The following GPR37 variants were observed in gnomAD, a reference collection of about 807,000 sequenced individuals.
GPR37 encodes prosaposin receptor GPR37.
Under a neutral mutation model 43.6 loss-of-function variants are expected in GPR37, and 20 were observed. That is an observed-to-expected ratio of 0.46 (90% confidence interval 0.32 to 0.67). The LOEUF is 0.67. Among genes scored for constraint, GPR37 ranks in the 30% least tolerant of loss-of-function variants. GPR37 has a pLI of 0.03. For synonymous variants in GPR37, 315 were observed against 322.6 expected (o/e 0.98, Z 0.25); for missense variants, 724 against 797.2 (o/e 0.91, Z 1.11).
Position 124,748,333 on chromosome 7 carries a change from T to A in GPR37, c.1024-990A>T, listed in dbSNP as rs368937459. Among the ~76,000 whole-genome samples the A allele has an allele frequency of 8.7e-4, 132 of 152,126 alleles. 2 individuals are homozygous for A. In the South Asian group the frequency reaches 0.026, roughly 30 times the overall value. ...ACTTACATGGTGTTAGGATCAGAAT[T>A]TCCAGGATCTACGTGGCTCAGAAAA... is the stretch of plus-strand genomic sequence containing the variant. On this transcript the variant is annotated intron_variant, in intron 1 of 1. Transcript: ENST00000303921.
At chr7:124,752,735 C>A (rs1245598698) in intron 1 of GPR37, among the ~76,000 whole-genome samples, 1 of 152,130 alleles carries the variant, frequency 6.6e-6, no homozygotes, top group Non-Finnish European at 1.5e-5. Context: ...CAATTCTTTG[C>A]AAATATCATC....
Position 124,764,446 on chromosome 7 carries a change from G to A in GPR37, c.531C>T (p.Ser177=). 1 of 1,613,710 alleles carries A rather than the reference G, an allele frequency of 6.2e-7. No homozygotes were observed. The highest frequency in any genetic ancestry group is 2.2e-5 in the East Asian group (1 of 44,858). ...CTCTCCTTGGCCAGTAAAAAAGATCGCTGGCTCCGGGGACTGTCTTCACAC... is the reference window on the plus strand; with the variant it reads ...CTCTCCTTGGCCAGTAAAAAAGATCACTGGCTCCGGGGACTGTCTTCACAC... ...EQSVKTVPGA[S]DLFYWPRRAG... is the part of the protein sequence containing the mutation. Residue 177 remains serine (S), a synonymous_variant, in exon 1 of 2, where the codon AGC becomes AGT. Coordinates refer to ENST00000303921, the MANE Select transcript of GPR37 (RefSeq NM_005302.5). This position sits in a 1 kb window ranked among gnomAD's most constrained non-coding sequence, Gnocchi z 5.4.
chr7:124,750,884 T>C (rs886648062), intron 1 of GPR37, among the ~76,000 whole-genome samples: 1 of 152,174 alleles, frequency 6.6e-6, no homozygotes, highest in African/African-American at 2.4e-5. Flanking sequence ...AAGATTTACA[T>C]GTATTCCAAC....
At chr7:124,753,528 T>C (rs777130088) in intron 1 of GPR37, among the ~76,000 whole-genome samples, 18 of 152,052 alleles carry the variant, frequency 1.2e-4, no homozygotes, top group Middle Eastern at 3.4e-3. Context: ...TGATACACTA[T>C]GAAAGTCTAC....
At chr7:124,755,654 C>G (rs1173128271) in intron 1 of GPR37, among the ~76,000 whole-genome samples, 1 of 152,072 alleles carries the variant, frequency 6.6e-6, no homozygotes, top group African/African-American at 2.4e-5. Flanking sequence ...GTAAATGAAG[C>G]AAGATTAGCA....
chr7:124,763,963 G>C lies in GPR37; in HGVS notation c.1014C>G (p.Pro338=), dbSNP rs540473140. The C allele has an allele frequency of 6.2e-7, 1 of 1,613,804 alleles. No homozygotes were observed. Among genetic ancestry groups the C allele is most frequent in the African/African-American group, 1.3e-5 (1 of 75,034 alleles). The change falls in exon 1 of 2, where the codon CCC becomes CCG. Residue 338 remains proline (P), a synonymous_variant. Transcript: ENST00000303921. ...CCCTGGAAGGCATTACCTCTATATAGGGCACGATCTTGCAGGAGAAGTCCT... is the reference window on the plus strand; with the variant it reads ...CCCTGGAAGGCATTACCTCTATATACGGCACGATCTTGCAGGAGAAGTCCT... ...LLEDFSCKIV[P]YIEVASLGVT... is the part of the protein sequence containing the mutation.
intron 1 of GPR37, among the ~76,000 whole-genome samples, chr7:124,749,099 G>C (rs1793705132): frequency 6.6e-6 from 1 of 151,920 alleles, no homozygotes; most frequent in African/African-American, 2.4e-5. Flanking sequence ...TGGGGACGAT[G>C]GTTCTCAAAG....
chr7:124,748,595 C>T (rs1236576653), intron 1 of GPR37, among the ~76,000 whole-genome samples: 3 of 152,102 alleles, frequency 2.0e-5, no homozygotes, highest in Admixed American at 6.5e-5. Context: ...TAGGTATGTA[C>T]ATCAAATTTA....
Position 124,764,454 on chromosome 7 carries a change from C to T in GPR37, c.523G>A (p.Gly175Arg), listed in dbSNP as rs1232729574. ...SQEQSVKTVP[G>R]ASDLFYWPRR... ...GGCCAGTAAAAAAGATCGCTGGCTC[C>T]GGGGACTGTCTTCACACTCTGCTCC... Residue 175 changes from glycine (G) to arginine (R), a missense_variant, in exon 1 of 2, where the codon GGA becomes AGA. Physicochemically the swap from Gly to Arg is moderately radical, Grantham distance 125. Transcript: ENST00000303921. The surrounding 1 kb of genome is among the most constrained non-coding windows in gnomAD (Gnocchi z 5.4). The T allele has an allele frequency of 1.2e-6, 2 of 1,613,708 alleles. No homozygotes were observed. The highest frequency in any genetic ancestry group is 2.2e-5 in the South Asian group (2 of 91,076).
At chr7:124,757,796 T>A (rs1437565052) in intron 1 of GPR37, among the ~76,000 whole-genome samples, 6 of 152,142 alleles carry the variant, frequency 3.9e-5, no homozygotes, top group Non-Finnish European at 2.9e-5. Flanking sequence ...CTTTGGAAAC[T>A]TTTCCCCCTC....
chr7:124,764,485 A>G lies in GPR37; in HGVS notation c.492T>C (p.Arg164=), dbSNP rs2116330587. The change falls in exon 1 of 2, where the codon CGT becomes CGC. Residue 164 remains arginine (R), a synonymous_variant. Coordinates refer to ENST00000303921, the MANE Select transcript of GPR37 (RefSeq NM_005302.5). This position sits in a 1 kb window ranked among gnomAD's most constrained non-coding sequence, Gnocchi z 5.4. ...CTGTCTTCACACTCTGCTCCTGGCT[A>G]CGCCCGGAAATGCCAGCGCCTCTGG... ...KGPRGAGISG[R]SQEQSVKTVP... is the part of the protein sequence containing the mutation. 1.2e-6 allele frequency: 2 copies of G among 1,613,554 alleles called. No homozygotes were observed. The highest frequency in any genetic ancestry group is 2.7e-5 in the African/African-American group (2 of 75,038).
In GPR37 at chr7:124,764,847, A is replaced by G. The variant is rs1203238141; in HGVS notation, c.130T>C (p.Cys44Arg). ...CGGCGCTGGATCACTGTAGGTGCACAGCTCTCCCCCAGACAAGTTTCGTTT... is the reference window on the plus strand; with the variant it reads ...CGGCGCTGGATCACTGTAGGTGCACGGCTCTCCCCCAGACAAGTTTCGTTT... ...SRNETCLGES[C>R]APTVIQRRGR... Residue 44 changes from cysteine (C) to arginine (R), a missense_variant, in exon 1 of 2, where the codon TGT becomes CGT. By Grantham distance (180) the Cys-to-Arg change is radical. Around this residue, in one of 2 missense-constraint regions of GPR37, gnomAD observed 382 missense variants for 355.4 expected, o/e 1.07. Transcript: ENST00000303921. The surrounding 1 kb of genome is among the most constrained non-coding windows in gnomAD (Gnocchi z 5.4). 16 of 1,613,310 alleles carry G rather than the reference A, an allele frequency of 9.9e-6. No homozygotes were observed. The highest frequency in any genetic ancestry group is 1.4e-5 in the Non-Finnish European group (16 of 1,179,940).
chr7:124,752,468 C>T (rs1272619934), intron 1 of GPR37, among the ~76,000 whole-genome samples: 5 of 152,166 alleles, frequency 3.3e-5, no homozygotes, highest in Non-Finnish European at 7.4e-5. Flanking sequence ...CATATGGAAT[C>T]ACTCATTACA....
At chr7:124,759,431 C>A (rs1445266444) in intron 1 of GPR37, among the ~76,000 whole-genome samples, 1 of 152,108 alleles carries the variant, frequency 6.6e-6, no homozygotes, top group Admixed American at 6.5e-5. Context: ...TAGAGAACTC[C>A]TCTGCCATTC....
Position 124,764,128 on chromosome 7 carries a change from C to T in GPR37, c.849G>A (p.Met283Ile), listed in dbSNP as rs1793882998. The T allele has an allele frequency of 6.2e-7, 1 of 1,610,870 alleles. No individual in the cohort carries two copies. Among genetic ancestry groups the T allele is most frequent in the Non-Finnish European group, 8.5e-7 (1 of 1,178,140 alleles). Residue 283 changes from methionine to isoleucine, a missense_variant, in exon 1 of 2, where the codon ATG (methionine) becomes ATA (isoleucine). Around this residue, in one of 2 missense-constraint regions of GPR37, gnomAD observed 342 missense variants for 441.8 expected, o/e 0.77. Coordinates refer to ENST00000303921, the MANE Select transcript of GPR37 (RefSeq NM_005302.5). This position sits in a 1 kb window ranked among gnomAD's most constrained non-coding sequence, Gnocchi z 5.4. ...TGTAGTAGTTGTGGCACACGATGCA[C>T]ATCACCGCCAGGTTGCCAATGATGC... The part of the protein sequence containing the change: ...GTGIIGNLAV[M>I]CIVCHNYYMR...
intron 1 of GPR37, among the ~76,000 whole-genome samples, chr7:124,750,931 G>A (rs1262583082): frequency 6.6e-6 from 1 of 152,066 alleles, no homozygotes; most frequent in Non-Finnish European, 1.5e-5. Flanking sequence ...TTTATCTGAG[G>A]ATGCTCAGTT....
chr7:124,765,027 G>C lies in GPR37; in HGVS notation c.-51C>G. ...CCGCAGCTCCTGCTTAGTTAGGATCGACACCTGCTGCCGAAGTTGCTGCTG... is the reference window on the plus strand; with the variant it reads ...CCGCAGCTCCTGCTTAGTTAGGATCCACACCTGCTGCCGAAGTTGCTGCTG... On this transcript the variant is annotated 5_prime_UTR_variant, in exon 1 of 2. Transcript: ENST00000303921. 1 of 1,407,936 alleles carries C rather than the reference G, an allele frequency of 7.1e-7. No individual in the cohort carries two copies. The highest frequency in any genetic ancestry group is 9.3e-7 in the Non-Finnish European group (1 of 1,079,410). The allele number at this position is 1,407,936 out of a possible 1,614,324, so 87.2% of individuals were successfully genotyped here. A position where few individuals can be genotyped will look rare whatever the true frequency, so the allele number is the denominator to read the frequency against.
chr7:124,757,637 A>G lies in GPR37; in HGVS notation c.1023+6317T>C, dbSNP rs190281210. Among the ~76,000 whole-genome samples the G allele has an allele frequency of 2.4e-3, 361 of 152,320 alleles. 3 individuals are homozygous for G. Among genetic ancestry groups the G allele is most frequent in the African/African-American group, 7.8e-3 (323 of 41,566 alleles). ...TAATTTCTCCATCTCTGGTCATAAC[A>G]AGCACAACTGTGACTTGACCCATTT... On this transcript the variant is annotated intron_variant, in intron 1 of 1. Transcript: ENST00000303921.
chr7:124,748,208 G>A (rs1021702983), intron 1 of GPR37, among the ~76,000 whole-genome samples: 1 of 152,128 alleles, frequency 6.6e-6, no homozygotes, highest in Non-Finnish European at 1.5e-5. Context: ...AAAAAAGAGA[G>A]AGAGATAATG....
Sources: gnomAD v4.1 joint callset for allele counts (sites outside exome capture counted in the v4.1 genomes callset) on GRCh38, gnomAD v4.1.1 for gene constraint, gnomAD v4.1.1 regional missense constraint, Gnocchi (gnomAD v3.1) non-coding constraint, MANE v1.5 for transcripts, NCBI Gene and HGNC (gene_info 2026-07-23, HGNC 2026-07-21) for gene names.